TRMT11: variants seen among roughly 807,000 people sequenced by gnomAD.
The protein encoded by TRMT11 is tRNA (guanine(10)-N(2))-methyltransferase TRMT11.
In TRMT11, 53 loss-of-function variants were observed where a neutral mutation model predicts 62.8. That is an observed-to-expected ratio of 0.84 (90% confidence interval 0.68 to 1.06). TRMT11 has a LOEUF of 1.06. TRMT11 is among the 50% of genes least tolerant of loss of function. TRMT11 has a pLI of 0.00. For missense variants in TRMT11, 556 were observed against 553.4 expected (o/e 1.00, Z -0.05); for synonymous variants, 188 against 190.3 (o/e 0.99, Z 0.10).
intron 17 of TRMT11, among the ~76,000 whole-genome samples, chr6:126,104,240 T>G (rs916435001): frequency 6.6e-6 from 1 of 152,100 alleles, no homozygotes; most frequent in South Asian, 2.1e-4. Flanking sequence ...CCGTTCAAAG[T>G]GATGTAGTCA....
At chr6:126,202,942 T>A (rs753644608), downstream of TRMT11, among the ~76,000 whole-genome samples, 1 of 152,080 alleles carries the variant, frequency 6.6e-6, no homozygotes, top group African/African-American at 2.4e-5. Flanking sequence ...GTAAGGAAAG[T>A]GTGGTTGGAT....
At chr6:126,000,063 A>T (rs1256058832) in intron 7 of TRMT11, among the ~76,000 whole-genome samples, 2 of 152,182 alleles carry the variant, frequency 1.3e-5, no homozygotes, top group Admixed American at 1.3e-4. Flanking sequence ...AATATATCCT[A>T]TCTTTGAGTT....
intron 6 of TRMT11, 67 bp from the exon 7 acceptor site, chr6:125,999,390 A>T (rs993541551): frequency 1.6e-6 from 2 of 1,287,772 alleles, no homozygotes; most frequent in Non-Finnish European, 2.1e-6. Flanking sequence ...CAATGGTCTT[A>T]TTGTGAGTGA....
the TRMT11 span, among the ~76,000 whole-genome samples, chr6:126,232,025 A>G: frequency 6.6e-6 from 1 of 152,180 alleles, no homozygotes; most frequent in African/African-American, 2.4e-5. Flanking sequence ...TGATCTTAGT[A>G]GAAAAAAGTA....
chr6:126,046,717 A>G (rs1023777766), intron 16 of TRMT11, among the ~76,000 whole-genome samples: 2 of 152,188 alleles, frequency 1.3e-5, no homozygotes, highest in Non-Finnish European at 2.9e-5. Flanking sequence ...TTCAACTGAT[A>G]GGGTTTGGGC....
chr6:126,005,805 G>A (rs1793260128), intron 7 of TRMT11, among the ~76,000 whole-genome samples: 1 of 151,924 alleles, frequency 6.6e-6, no homozygotes, highest in Non-Finnish European at 1.5e-5. Flanking sequence ...GCTTTAGGTA[G>A]CACAGAACTC....
intron 21 of TRMT11, among the ~76,000 whole-genome samples, chr6:126,118,471 C>T (rs1438990482): frequency 3.9e-5 from 6 of 152,096 alleles, no homozygotes; most frequent in Non-Finnish European, 5.9e-5. Context: ...TGAAGTCTAT[C>T]ATTTGAGTGG....
At chr6:126,098,664 T>G (rs1030851624) in intron 17 of TRMT11, among the ~76,000 whole-genome samples, 2 of 152,156 alleles carry the variant, frequency 1.3e-5, no homozygotes, top group African/African-American at 4.8e-5. Flanking sequence ...TGGCGGGGGA[T>G]GAGGGGCTAT....
chr6:126,143,317 G>A (rs553417863), intron 21 of TRMT11, among the ~76,000 whole-genome samples: 1 of 151,990 alleles, frequency 6.6e-6, no homozygotes, highest in African/African-American at 2.4e-5. Context: ...TATACATAAG[G>A]GTATGGAGAA....
chr6:126,173,466 T>C (rs1361769289), upstream of TRMT11, among the ~76,000 whole-genome samples: 2 of 152,188 alleles, frequency 1.3e-5, no homozygotes, highest in Non-Finnish European at 2.9e-5. Context: ...TCGCTGATCT[T>C]AGGAGTTGTC....
At chr6:126,171,399 T>A (rs1778328755) in intron 21 of TRMT11, among the ~76,000 whole-genome samples, 1 of 152,128 alleles carries the variant, frequency 6.6e-6, no homozygotes, top group African/African-American at 2.4e-5. Flanking sequence ...GTCAGTGGGA[T>A]GGTTTTATTT....
intron 17 of TRMT11, among the ~76,000 whole-genome samples, chr6:126,076,421 AAAG>A (rs1228878491): frequency 6.6e-6 from 1 of 152,136 alleles, no homozygotes; most frequent in Non-Finnish European, 1.5e-5. Flanking sequence ...AGCCAAGAGA[AAAG>A]AGATAATTTG....
chr6:126,105,625 T>C (rs1379779662), intron 17 of TRMT11, among the ~76,000 whole-genome samples: 1 of 152,052 alleles, frequency 6.6e-6, no homozygotes, highest in Non-Finnish European at 1.5e-5. Flanking sequence ...TGCATTTTGA[T>C]TCTATGGATT....
chr6:126,252,960 T>C, the TRMT11 span, among the ~76,000 whole-genome samples: 1 of 152,202 alleles, frequency 6.6e-6, no homozygotes, highest in Admixed American at 6.5e-5. Flanking sequence ...CAAGGAGTGC[T>C]TTTGCAGTTT....
intron 17 of TRMT11, among the ~76,000 whole-genome samples, chr6:126,058,735 AGAG>A (rs1776441887): frequency 6.6e-6 from 1 of 152,254 alleles, no homozygotes; most frequent in Admixed American, 6.5e-5. Flanking sequence ...AAAATGATAA[AGAG>A]GATATCTCAA....
chr6:126,132,840 T>C (rs1583884592), intron 21 of TRMT11, among the ~76,000 whole-genome samples: 1 of 152,172 alleles, frequency 6.6e-6, no homozygotes. Flanking sequence ...AGCTCAGGTA[T>C]GTTTTGGGTT....
chr6:126,089,074 C>CA (rs1777244791), intron 17 of TRMT11, among the ~76,000 whole-genome samples: 1 of 151,712 alleles, frequency 6.6e-6, no homozygotes, highest in Non-Finnish European at 1.5e-5. Flanking sequence ...ATTGAGCTCT[C>CA]ACTACATATT....
chr6:126,179,944 T>C (rs56202614), intron 1 of TRMT11, among the ~76,000 whole-genome samples: 17,999 of 152,134 alleles, frequency 0.12, 3,540 homozygotes, highest in African/African-American at 0.41. Flanking sequence ...CAATTATAGA[T>C]TATATCCAAC....
At chr6:126,188,898 T>C (rs1778559129) in intron 1 of TRMT11, among the ~76,000 whole-genome samples, 1 of 152,140 alleles carries the variant, frequency 6.6e-6, no homozygotes, top group Non-Finnish European at 1.5e-5. Context: ...ATTAAATACA[T>C]ATAGCTATTA....
Sources: gnomAD v4.1 joint callset for allele counts (sites outside exome capture counted in the v4.1 genomes callset) on GRCh38, gnomAD v4.1.1 for gene constraint, MANE v1.5 for transcripts, NCBI Gene and HGNC (gene_info 2026-07-23, HGNC 2026-07-21) for gene names.